Variants in APPBP2 observed in about 807,000 individuals in gnomAD.
The protein encoded by APPBP2 is amyloid protein-binding protein 2.
Under a neutral mutation model 76.0 loss-of-function variants are expected in APPBP2, and 15 were observed. The ratio of observed to expected loss-of-function variants is 0.20; its 90% CI spans 0.13 to 0.30. APPBP2 has a LOEUF of 0.30. Ranked by LOEUF, APPBP2 falls within the 10% of genes least tolerant of loss-of-function variation. The pLI is 1.00. For synonymous variants in APPBP2, 222 were observed against 242.2 expected, an observed-to-expected ratio of 0.92 and a Z score of 0.77; for missense variants, 401 against 687.2, an observed-to-expected ratio of 0.58 and a Z score of 4.66.
At chr17:60,448,478 C>T (rs1431181864) in intron 12 of APPBP2, among the ~76,000 whole-genome samples, 4 of 152,164 alleles carry the variant, frequency 2.6e-5, no homozygotes, top group Non-Finnish European at 5.9e-5. Flanking sequence ...AACCAACCAA[C>T]AAATGAAAAA....
intron 4 of APPBP2, among the ~76,000 whole-genome samples, chr17:60,471,225 T>C (rs1219913160): frequency 6.6e-6 from 1 of 152,214 alleles, no homozygotes; most frequent in African/African-American, 2.4e-5. Context: ...TCTTGATGTT[T>C]TTGATTTACA....
At chr17:60,499,274 C>T (rs891306708) in intron 2 of APPBP2, among the ~76,000 whole-genome samples, 4 of 151,234 alleles carry the variant, frequency 2.6e-5, no homozygotes, top group Non-Finnish European at 5.9e-5. Context: ...TTTGAGTTTG[C>T]AGTGAGCTAC....
intron 1 of APPBP2, among the ~76,000 whole-genome samples, chr17:60,512,046 T>C (rs2090917808): frequency 6.6e-6 from 1 of 152,112 alleles, no homozygotes; most frequent in South Asian, 2.1e-4. Context: ...TCTACATTTA[T>C]TGAAGACTTT....
chr17:60,493,808 T>A (rs1258394108), intron 3 of APPBP2, among the ~76,000 whole-genome samples: 2 of 151,942 alleles, frequency 1.3e-5, no homozygotes, highest in African/African-American at 2.4e-5. Context: ...CTCGGCTAAT[T>A]TTTTGTATTT....
intron 6 of APPBP2, chr17:60,462,369 C>T (rs1423984664): frequency 3.9e-6 from 1 of 255,048 alleles, no homozygotes; most frequent in Non-Finnish European, 7.3e-6. Context: ...TAAAATAAAA[C>T]AATGGGGGCA....
intron 3 of APPBP2, among the ~76,000 whole-genome samples, chr17:60,493,046 A>G (rs1296039499): frequency 2.0e-5 from 3 of 152,316 alleles, no homozygotes; most frequent in East Asian, 3.9e-4. Flanking sequence ...ATGCTAGTGA[A>G]TAAGTCTCAT....
chr17:60,486,729 T>C (rs2090681926), intron 3 of APPBP2, among the ~76,000 whole-genome samples: 1 of 152,194 alleles, frequency 6.6e-6, no homozygotes, highest in African/African-American at 2.4e-5. Context: ...AATTTGATCC[T>C]GTCACTATGA....
chr17:60,470,947 C>T (rs543385629), intron 4 of APPBP2, among the ~76,000 whole-genome samples: 20 of 150,970 alleles, frequency 1.3e-4, no homozygotes, highest in Admixed American at 9.8e-4. Flanking sequence ...TGCACCACCA[C>T]GCCTGGCTAA....
chr17:60,511,906 T>G (rs1464833939), intron 1 of APPBP2, among the ~76,000 whole-genome samples: 1 of 152,106 alleles, frequency 6.6e-6, no homozygotes, highest in Non-Finnish European at 1.5e-5. Flanking sequence ...TACACATTTT[T>G]AAAATTTTTA....
intron 4 of APPBP2, among the ~76,000 whole-genome samples, chr17:60,470,027 T>C (rs2143347234): frequency 6.6e-6 from 1 of 152,292 alleles, no homozygotes. Context: ...TTTTTTTTTT[T>C]CAAATGCTCT....
At chr17:60,478,001 T>TAA (rs200095619) in intron 4 of APPBP2, among the ~76,000 whole-genome samples, 1 of 150,428 alleles carries the variant, frequency 6.6e-6, no homozygotes, top group Admixed American at 6.6e-5. Flanking sequence ...AAAATATATT[T>TAA]AAAAAAAAAC....
At chr17:60,523,918 T>G (rs769880217) in intron 1 of APPBP2, among the ~76,000 whole-genome samples, 19 of 152,212 alleles carry the variant, frequency 1.2e-4, no homozygotes, top group Non-Finnish European at 2.1e-4. Flanking sequence ...AAAGCAAGGT[T>G]ATACTGTACT....
chr17:60,519,674 A>G (rs2090992225), intron 1 of APPBP2, among the ~76,000 whole-genome samples: 1 of 152,252 alleles, frequency 6.6e-6, no homozygotes, highest in East Asian at 1.9e-4. Flanking sequence ...TAAAAAAGAA[A>G]GAAAAACAAT....
intron 4 of APPBP2, among the ~76,000 whole-genome samples, chr17:60,467,771 C>T (rs965459794): frequency 2.0e-5 from 3 of 152,056 alleles, no homozygotes; most frequent in Non-Finnish European, 4.4e-5. Flanking sequence ...TGTAGCCAGC[C>T]AAGTGAAGAT....
intron 3 of APPBP2, among the ~76,000 whole-genome samples, chr17:60,492,498 CA>C (rs2090738158): frequency 6.6e-6 from 1 of 152,228 alleles, no homozygotes; most frequent in South Asian, 2.1e-4. Context: ...TTCAAAGCCA[CA>C]GGGGCGGAGC....
chr17:60,483,270 G>A (rs2090645639), intron 3 of APPBP2, among the ~76,000 whole-genome samples: 1 of 152,024 alleles, frequency 6.6e-6, no homozygotes, highest in African/African-American at 2.4e-5. Flanking sequence ...CTTTTTGATG[G>A]GGTTGTTTGA....
Position 60,445,414 on chromosome 17 carries a change from T to C in APPBP2, c.*2167A>G, listed in dbSNP as rs1283244606. The C allele has an allele frequency of 4.6e-5, 7 of 152,360 alleles. No homozygotes were observed. The highest frequency in any genetic ancestry group is 8.8e-5 in the Non-Finnish European group (6 of 68,034). The allele number at this position is 152,360 out of a possible 1,614,324, so 9.4% of individuals were successfully genotyped here. A position where few individuals can be genotyped will look rare whatever the true frequency, so the allele number is the denominator to read the frequency against. On this transcript the variant is annotated 3_prime_UTR_variant, in exon 13 of 13. Transcript: ENST00000083182. ...TGTTTATTTTTATCCTAGGAAATGCTGTATGTGCACAAAACCAAAAAATAC... is the reference window on the plus strand; with the variant it reads ...TGTTTATTTTTATCCTAGGAAATGCCGTATGTGCACAAAACCAAAAAATAC...
At chr17:60,460,467 G>T in intron 9 of APPBP2, 196 bp downstream of exon 9, 1 of 403,630 alleles carries the variant, frequency 2.5e-6, no homozygotes, top group Non-Finnish European at 4.1e-6. Context: ...GGGAGCCTCT[G>T]CACCTGAAAA....
intron 3 of APPBP2, among the ~76,000 whole-genome samples, chr17:60,483,993 T>C (rs1325382119): frequency 1.3e-5 from 2 of 152,140 alleles, no homozygotes; most frequent in African/African-American, 2.4e-5. Flanking sequence ...GGGAATCCTT[T>C]CCTCATTTCT....
Sources: gnomAD v4.1 joint callset for allele counts (sites outside exome capture counted in the v4.1 genomes callset) on GRCh38, gnomAD v4.1.1 for gene constraint, MANE v1.5 for transcripts, NCBI Gene and HGNC (gene_info 2026-07-23, HGNC 2026-07-21) for gene names.